The following NCOA2 variants were observed in gnomAD, a reference collection of about 807,000 sequenced individuals.
NCOA2 encodes the protein class E basic helix-loop-helix protein 75.
A neutral mutation model predicts 145.1 loss-of-function variants in NCOA2; 21 were observed. The ratio of observed to expected loss-of-function variants is 0.14; its 90% CI spans 0.10 to 0.21. The LOEUF (loss-of-function observed/expected upper bound fraction) is 0.21. Ranked by LOEUF, NCOA2 falls within the 10% of genes least tolerant of loss-of-function variation. The pLI, the probability that NCOA2 is intolerant of heterozygous loss-of-function variation, is 1.00. For synonymous variants in NCOA2, 619 were observed against 637.5 expected (o/e 0.97, Z 0.44); for missense variants, 1,472 against 1,837.6 (o/e 0.80, Z 3.64).
intron 1 of NCOA2, among the ~76,000 whole-genome samples, chr8:70,366,549 G>A (rs1055884303): frequency 7.3e-5 from 11 of 150,972 alleles, no homozygotes; most frequent in Non-Finnish European, 1.6e-4. Flanking sequence ...ATATATTAAT[G>A]TTATTTTTTA....
intron 1 of NCOA2, among the ~76,000 whole-genome samples, chr8:70,383,899 T>C (rs548963766): frequency 8.5e-5 from 13 of 152,340 alleles, no homozygotes; most frequent in Middle Eastern, 3.4e-3. Context: ...AGCTTATAAA[T>C]AGTCTTCTCT....
chr8:70,273,926 T>G, intron 2 of NCOA2: 3 of 402,900 alleles, frequency 7.4e-6, no homozygotes, highest in South Asian at 6.0e-5. Flanking sequence ...TATGACTGCT[T>G]TTTAAGAAAT....
intron 2 of NCOA2, among the ~76,000 whole-genome samples, chr8:70,282,700 A>C (rs1174024104): frequency 6.6e-6 from 1 of 152,018 alleles, no homozygotes; most frequent in African/African-American, 2.4e-5. Context: ...AAAAAAAAAA[A>C]AAAAGTAGCC....
chr8:70,382,795 CCA>C (rs1563829310), intron 1 of NCOA2, among the ~76,000 whole-genome samples: 1 of 152,244 alleles, frequency 6.6e-6, no homozygotes, highest in Non-Finnish European at 1.5e-5. Context: ...GCAGTCTGTA[CCA>C]CAGAGATTCT....
At position 70,351,984 on chromosome 8, in the gene NCOA2, T is replaced by A. The variant is rs61552506; in HGVS notation, c.-77+51716A>T. Among the ~76,000 whole-genome samples, 395 of 151,780 alleles carry A rather than the reference T, an allele frequency of 2.6e-3. 2 individuals are homozygous for A. The highest frequency in any genetic ancestry group is 0.014 in the Middle Eastern group (4 of 294). On this transcript the variant is annotated intron_variant, in intron 1 of 22. Transcript: ENST00000452400. ...TATGCTAACTGGGCAATTTTTTTTT[T>A]AAAAAAGGAAGCAATCTTTTACAAT...
chr8:70,257,157 A>G (rs1823703123), intron 2 of NCOA2, among the ~76,000 whole-genome samples: 1 of 152,066 alleles, frequency 6.6e-6, no homozygotes, highest in African/African-American at 2.4e-5. Flanking sequence ...AGAAATTTAA[A>G]CTCACACCAG....
At chr8:70,413,666 C>T in the NCOA2 span, among the ~76,000 whole-genome samples, 1 of 152,190 alleles carries the variant, frequency 6.6e-6, no homozygotes, top group Admixed American at 6.5e-5. Flanking sequence ...GAGAGTCTTA[C>T]CACTGAACAC....
intron 1 of NCOA2, among the ~76,000 whole-genome samples, chr8:70,393,104 C>T (rs1055311196): frequency 6.6e-6 from 1 of 152,206 alleles, no homozygotes; most frequent in African/African-American, 2.4e-5. Context: ...AGACAGGGAA[C>T]TCAGCCTCTG....
At chr8:70,228,221 T>G (rs1820836893) in intron 2 of NCOA2, among the ~76,000 whole-genome samples, 1 of 152,230 alleles carries the variant, frequency 6.6e-6, no homozygotes, top group Non-Finnish European at 1.5e-5. Flanking sequence ...CCAGCCATTC[T>G]GTAAGATCAC....
chr8:70,417,568 CA>C, the NCOA2 span, among the ~76,000 whole-genome samples: 1 of 151,784 alleles, frequency 6.6e-6, no homozygotes, highest in Non-Finnish European at 1.5e-5. Context: ...AACAAACAAA[CA>C]AACAAACAAA....
At chr8:70,184,635 G>C (rs76019984) in intron 4 of NCOA2, among the ~76,000 whole-genome samples, 8,256 of 152,140 alleles carry the variant, frequency 0.054, 294 homozygotes, top group East Asian at 0.16. Context: ...ATTCAACTTT[G>C]AATATCCAAT....
chr8:70,364,967 T>A (rs1428002197), intron 1 of NCOA2, among the ~76,000 whole-genome samples: 1 of 151,968 alleles, frequency 6.6e-6, no homozygotes, highest in Non-Finnish European at 1.5e-5. Context: ...AATGGCCGAG[T>A]GATGTGGTTA....
intron 6 of NCOA2, among the ~76,000 whole-genome samples, chr8:70,169,979 T>C (rs1196065132): frequency 6.6e-6 from 1 of 152,038 alleles, no homozygotes; most frequent in East Asian, 1.9e-4. Flanking sequence ...AAATATAGGA[T>C]CGAAAATGAT....
intron 1 of NCOA2, among the ~76,000 whole-genome samples, chr8:70,329,024 T>C (rs1806840096): frequency 6.6e-6 from 1 of 152,092 alleles, no homozygotes. Context: ...GGCATGATCA[T>C]AGCTCACTAC....
the NCOA2 span, among the ~76,000 whole-genome samples, chr8:70,426,403 A>C: frequency 6.6e-6 from 1 of 152,256 alleles, no homozygotes; most frequent in African/African-American, 2.4e-5. Flanking sequence ...TAATTTTATA[A>C]ATTATTCATA....
At chr8:70,134,108 C>G (rs1196956237) in intron 15 of NCOA2, among the ~76,000 whole-genome samples, 1 of 152,200 alleles carries the variant, frequency 6.6e-6, no homozygotes, top group Non-Finnish European at 1.5e-5. Context: ...TGGGAGCTTG[C>G]TGGCTCCTTC....
chr8:70,111,419 C>A lies in NCOA2; in HGVS notation c.*2213G>T, dbSNP rs1806527219. 4.5e-6 allele frequency: 1 copy of A among 220,244 alleles called. No individual in the cohort carries two copies. Among genetic ancestry groups the A allele is most frequent in the Admixed American group, 5.8e-5 (1 of 17,300 alleles). The allele number at this position is 220,244 out of a possible 1,614,324, so 13.6% of individuals were successfully genotyped here. A position where few individuals can be genotyped will look rare whatever the true frequency, so the allele number is the denominator to read the frequency against. ...AAAACTGGTCACACTGAATTGTATG[C>A]CACATGAGCCTCAGCCCACGGGGAG... On this transcript the variant is annotated 3_prime_UTR_variant, in exon 23 of 23. Transcript: ENST00000452400.
intron 4 of NCOA2, among the ~76,000 whole-genome samples, chr8:70,183,434 T>C (rs1424978048): frequency 6.6e-6 from 1 of 152,250 alleles, no homozygotes; most frequent in Non-Finnish European, 1.5e-5. Flanking sequence ...GAAAATTATA[T>C]TTAAAAAGTT....
Position 70,157,212 on chromosome 8 carries a change from C to A in NCOA2, c.1153G>T (p.Asp385Tyr), listed in dbSNP as rs1326252258. Residue 385 changes from aspartate to tyrosine, a missense_variant, in exon 11 of 23, where the codon GAT (aspartate) becomes TAT (tyrosine). Physicochemically the swap from Asp to Tyr is radical, Grantham distance 160. Around this residue, in one of 4 missense-constraint regions of NCOA2, gnomAD observed 953 missense variants for 1,062.1 expected, o/e 0.90. Coordinates refer to ENST00000452400, the MANE Select transcript of NCOA2 (RefSeq NM_006540.4). ...REQNVCVMNP[D>Y]LTGQTMGKPL... ...TTCCCCATCGTTTGTCCAGTCAGATCCGGATTCATCACACACACATTCTGC... is the reference window on the plus strand; with the variant it reads ...TTCCCCATCGTTTGTCCAGTCAGATACGGATTCATCACACACACATTCTGC... The A allele has an allele frequency of 1.9e-6, 3 of 1,568,390 alleles. No individual in the cohort carries two copies. The South Asian group carries it at 3.6e-5, about 19-fold the overall frequency.
Sources: gnomAD v4.1 joint callset for allele counts (sites outside exome capture counted in the v4.1 genomes callset) on GRCh38, gnomAD v4.1.1 for gene constraint, gnomAD v4.1.1 regional missense constraint, MANE v1.5 for transcripts, NCBI Gene and HGNC (gene_info 2026-07-23, HGNC 2026-07-21) for gene names.